Variants in DAB1 observed in about 807,000 individuals in gnomAD.
DAB1 encodes the protein disabled homolog 1.
Under a neutral mutation model 64.6 loss-of-function variants are expected in DAB1, and 15 were observed. The observed-to-expected ratio is 0.23, with a 90% CI of 0.16 to 0.36. The LOEUF (loss-of-function observed/expected upper bound fraction) is 0.36. Ranked by LOEUF, DAB1 falls within the 10% of genes least tolerant of loss-of-function variation. The pLI, the probability that DAB1 is intolerant of heterozygous loss-of-function variation, is 1.00. For missense variants in DAB1, 596 were observed against 706.7 expected (o/e 0.84, Z 1.78); for synonymous variants, 235 against 251.9 (o/e 0.93, Z 0.64).
chr1:57,477,088 G>A (rs1251868212), intron 7 of DAB1, among the ~76,000 whole-genome samples: 1 of 152,236 alleles, frequency 6.6e-6, no homozygotes, highest in Non-Finnish European at 1.5e-5. Flanking sequence ...AGGCTTCACA[G>A]AAGAAACTGT....
intron 2 of DAB1, among the ~76,000 whole-genome samples, chr1:57,273,797 C>G (rs1330189558): frequency 6.6e-6 from 1 of 151,968 alleles, no homozygotes; most frequent in East Asian, 1.9e-4. Context: ...CTCACCAGCC[C>G]TTGACTGCTC....
intron 7 of DAB1, among the ~76,000 whole-genome samples, chr1:57,591,963 ACT>A (rs1430386005): frequency 6.6e-6 from 1 of 152,102 alleles, no homozygotes; most frequent in Non-Finnish European, 1.5e-5. Context: ...CTACAAATAC[ACT>A]CTGTGATGTT....
intron 7 of DAB1, among the ~76,000 whole-genome samples, chr1:57,569,032 G>A (rs931022108): frequency 6.6e-6 from 1 of 151,730 alleles, no homozygotes; most frequent in Non-Finnish European, 1.5e-5. Flanking sequence ...GCCGAGGCGG[G>A]CGGATCACGA....
intron 4 of DAB1, among the ~76,000 whole-genome samples, chr1:58,298,691 A>C (rs1179458548): frequency 1.3e-5 from 2 of 152,208 alleles, no homozygotes; most frequent in Non-Finnish European, 2.9e-5. Flanking sequence ...AACTGAGCCA[A>C]ACAAATGCTC....
intron 5 of DAB1, among the ~76,000 whole-genome samples, chr1:58,021,511 T>C (rs996867201): frequency 6.6e-6 from 1 of 152,160 alleles, no homozygotes; most frequent in East Asian, 1.9e-4. Context: ...GAAAGGGATG[T>C]TTCCAAAAGA....
intron 2 of DAB1, among the ~76,000 whole-genome samples, chr1:57,214,910 C>CA (rs56175448): frequency 0.14 from 8,033 of 58,590 alleles, 789 homozygotes; most frequent in Admixed American, 0.26. Flanking sequence ...GATTCCCTCT[C>CA]AAAAAAAAAA....
intron 4 of DAB1, among the ~76,000 whole-genome samples, chr1:58,176,918 G>T (rs1258862230): frequency 1.3e-5 from 2 of 151,788 alleles, no homozygotes; most frequent in Non-Finnish European, 2.9e-5. Context: ...GGCGGAGCTT[G>T]CAGTGAGCTG....
At chr1:57,842,200 T>G (rs761657263) in intron 1 of DAB1, among the ~76,000 whole-genome samples, 6 of 152,208 alleles carry the variant, frequency 3.9e-5, no homozygotes, top group Admixed American at 3.9e-4. Context: ...TGCTAATGCA[T>G]AGCAAGAGTT....
chr1:57,254,021 A>C (rs1669572609), intron 2 of DAB1, among the ~76,000 whole-genome samples: 1 of 152,234 alleles, frequency 6.6e-6, no homozygotes, highest in African/African-American at 2.4e-5. Flanking sequence ...GAATTATTTC[A>C]GCCTGGAATT....
chr1:57,233,252 A>ATCCTTTTTTT (rs1667823911), intron 2 of DAB1, among the ~76,000 whole-genome samples: 1 of 56,902 alleles, frequency 1.8e-5, no homozygotes, highest in Non-Finnish European at 3.6e-5. Context: ...CTTTGCTCCG[A>ATCCTTTTTTT]TTCTTTTTTT....
At chr1:57,147,730 A>C (rs985578795) in intron 2 of DAB1, among the ~76,000 whole-genome samples, 8 of 152,198 alleles carry the variant, frequency 5.3e-5, no homozygotes, top group Admixed American at 2.6e-4. Context: ...CTTTAATTAT[A>C]ATCACAATAC....
chr1:57,226,684 T>C (rs1325565217), intron 2 of DAB1, among the ~76,000 whole-genome samples: 1 of 145,650 alleles, frequency 6.9e-6, no homozygotes, highest in Non-Finnish European at 1.5e-5. Context: ...TATATATATA[T>C]ATATATATAT....
At chr1:57,189,081 C>T (rs1195238562) in intron 2 of DAB1, among the ~76,000 whole-genome samples, 1 of 152,116 alleles carries the variant, frequency 6.6e-6, no homozygotes, top group Non-Finnish European at 1.5e-5. Flanking sequence ...TTAGTCAACA[C>T]CCTTGCTACC....
chr1:57,025,986 G>C lies in DAB1; in HGVS notation c.781C>G (p.Pro261Ala), dbSNP rs748027334. 1 of 1,582,092 alleles carries C rather than the reference G, an allele frequency of 6.3e-7. No individual in the cohort carries two copies. Among genetic ancestry groups the C allele is most frequent in the Non-Finnish European group, 8.6e-7 (1 of 1,166,842 alleles). ...AGAGAGCAATGCATACTTACGGGGG[G>C]AGAGGTTATATCAGGGGGTGTGGAC... ...DMSTPPDITS[P>A]PTPATPGDAF... Residue 261 changes from proline to alanine, a missense_variant, in exon 10 of 15, where the codon CCC becomes GCC. By Grantham distance (27) the Pro-to-Ala change is conservative. Around this residue, in one of 3 missense-constraint regions of DAB1, gnomAD observed 377 missense variants for 400.4 expected, o/e 0.94. Coordinates refer to ENST00000371236, the MANE Select transcript of DAB1 (RefSeq NM_001365792.1).
At chr1:58,378,269 T>A (rs1199691039) in intron 3 of DAB1, among the ~76,000 whole-genome samples, 1 of 115,298 alleles carries the variant, frequency 8.7e-6, no homozygotes, top group Non-Finnish European at 1.9e-5. Context: ...CGTTTTAGAG[T>A]TTCCCGTTTT....
chr1:57,332,533 A>G (rs992770600), intron 1 of DAB1, among the ~76,000 whole-genome samples: 1 of 152,206 alleles, frequency 6.6e-6, no homozygotes, highest in Non-Finnish European at 1.5e-5. Flanking sequence ...CTACCAATCA[A>G]TGAGAGACTT....
chr1:58,147,648 A>G (rs1654680393), intron 5 of DAB1, among the ~76,000 whole-genome samples: 1 of 152,186 alleles, frequency 6.6e-6, no homozygotes. Context: ...ATGTAAAATA[A>G]TATAGAGGCT....
chr1:58,391,544 TAC>T (rs1644476097), intron 3 of DAB1, among the ~76,000 whole-genome samples: 1 of 152,206 alleles, frequency 6.6e-6, no homozygotes, highest in Non-Finnish European at 1.5e-5. Flanking sequence ...ATTCCTCCAG[TAC>T]ACATTCCAAC....
At chr1:57,655,277 C>G (rs950492582) in intron 6 of DAB1, among the ~76,000 whole-genome samples, 2 of 152,060 alleles carry the variant, frequency 1.3e-5, no homozygotes, top group African/African-American at 4.8e-5. Context: ...ATCCATCCAT[C>G]TATCCAACCA....
Sources: gnomAD v4.1 joint callset for allele counts (sites outside exome capture counted in the v4.1 genomes callset) on GRCh38, gnomAD v4.1.1 for gene constraint, gnomAD v4.1.1 regional missense constraint, MANE v1.5 for transcripts, NCBI Gene and HGNC (gene_info 2026-07-23, HGNC 2026-07-21) for gene names.